The following PPFIA2 variants were observed in gnomAD, a reference collection of about 807,000 sequenced individuals.
The protein encoded by PPFIA2 is liprin-alpha-2.
Under a neutral mutation model 175.5 loss-of-function variants are expected in PPFIA2, and 46 were observed. The ratio of observed to expected loss-of-function variants is 0.26; its 90% CI spans 0.21 to 0.34. The LOEUF (loss-of-function observed/expected upper bound fraction) is 0.34. Among genes scored for constraint, PPFIA2 ranks in the 10% least tolerant of loss-of-function variants. The pLI, the probability that PPFIA2 is intolerant of heterozygous loss-of-function variation, is 1.00. For missense variants in PPFIA2, 1,179 were observed against 1,506.1 expected, an observed-to-expected ratio of 0.78 and a Z score of 3.60; for synonymous variants, 568 against 511.4, an observed-to-expected ratio of 1.11 and a Z score of -1.49.
chr12:81,731,222 C>T (rs889327871), intron 3 of PPFIA2, among the ~76,000 whole-genome samples: 4 of 151,764 alleles, frequency 2.6e-5, no homozygotes, highest in Non-Finnish European at 4.4e-5. Flanking sequence ...CCATTTTCTT[C>T]TTTTCTTGTC....
At chr12:81,687,467 G>A (rs1363867644) in intron 3 of PPFIA2, 1 of 151,906 alleles carries the variant, frequency 6.6e-6, no homozygotes, top group Non-Finnish European at 1.5e-5. Flanking sequence ...ATCTCCTCTG[G>A]GGAGGCTTTC....
chr12:81,397,549 T>C (rs2041356529), intron 8 of PPFIA2, among the ~76,000 whole-genome samples: 1 of 152,154 alleles, frequency 6.6e-6, no homozygotes, highest in Admixed American at 6.6e-5. Flanking sequence ...GTGATGACTG[T>C]AGCAGGAGTG....
chr12:81,678,294 G>A (rs2153572243), intron 3 of PPFIA2, among the ~76,000 whole-genome samples: 1 of 151,790 alleles, frequency 6.6e-6, no homozygotes, highest in East Asian at 2.0e-4. Flanking sequence ...TAATTAAGAG[G>A]ACTTATGCTA....
At chr12:81,473,183 G>A (rs2056997920) in intron 4 of PPFIA2, among the ~76,000 whole-genome samples, 2 of 152,116 alleles carry the variant, frequency 1.3e-5, no homozygotes, top group Non-Finnish European at 1.5e-5. Context: ...TGAGGTGCGT[G>A]GATCACCTGC....
intron 19 of PPFIA2, among the ~76,000 whole-genome samples, chr12:81,341,538 G>A (rs539628083): frequency 1.3e-3 from 195 of 152,138 alleles, no homozygotes; most frequent in African/African-American, 4.4e-3. Context: ...AGCCCAACAC[G>A]AATTCGTAAA....
rs527567922 is a variant in PPFIA2, at chr12:81,482,133, A to T, written c.304-24267T>A. Reference sequence around the variant, plus strand: ...ATTTATGCGGCCAACAAACATGAAAAAAAAAGCTCATCATCACTGTTCATT... The same window carrying T: ...ATTTATGCGGCCAACAAACATGAAATAAAAAGCTCATCATCACTGTTCATT... On this transcript the variant is annotated intron_variant, in intron 4 of 32. Coordinates refer to ENST00000549396, the MANE Select transcript of PPFIA2 (RefSeq NM_003625.5). Among the ~76,000 whole-genome samples, 29 of 152,356 alleles carry T rather than the reference A, an allele frequency of 1.9e-4. No homozygotes were observed. In the South Asian group the frequency reaches 5.6e-3, roughly 29 times the overall value.
At chr12:81,380,158 A>G (rs2037312729) in intron 9 of PPFIA2, among the ~76,000 whole-genome samples, 1 of 152,100 alleles carries the variant, frequency 6.6e-6, no homozygotes, top group Non-Finnish European at 1.5e-5. Context: ...TTGAACCAGG[A>G]ATTTGAGACC....
intron 3 of PPFIA2, among the ~76,000 whole-genome samples, chr12:81,678,122 C>G (rs1195392140): frequency 6.6e-6 from 1 of 151,710 alleles, no homozygotes; most frequent in African/African-American, 2.4e-5. Context: ...TTTCTTATGA[C>G]TCTGATCACC....
intron 4 of PPFIA2, chr12:81,535,372 C>A (rs963937880): frequency 8.8e-6 from 4 of 455,048 alleles, no homozygotes; most frequent in African/African-American, 8.0e-5. Context: ...GATCTATAGT[C>A]ACCAGCACTG....
intron 22 of PPFIA2, chr12:81,302,139 C>T: frequency 5.0e-6 from 2 of 397,234 alleles, no homozygotes; most frequent in African/African-American, 2.1e-5. Flanking sequence ...AAATTGTGTC[C>T]TATAATGTTT....
intron 3 of PPFIA2, among the ~76,000 whole-genome samples, chr12:81,738,458 G>A (rs553177571): frequency 2.0e-5 from 3 of 151,916 alleles, no homozygotes; most frequent in African/African-American, 7.2e-5. Context: ...GTATACATGT[G>A]AATAAATCTA....
intron 4 of PPFIA2, among the ~76,000 whole-genome samples, chr12:81,648,436 C>T (rs1361782587): frequency 3.3e-5 from 5 of 151,884 alleles, no homozygotes; most frequent in African/African-American, 7.2e-5. Context: ...TAAGTTGATA[C>T]ACTATCAACA....
intron 4 of PPFIA2, among the ~76,000 whole-genome samples, chr12:81,547,777 C>A (rs969145096): frequency 6.6e-6 from 1 of 152,142 alleles, no homozygotes; most frequent in Non-Finnish European, 1.5e-5. Context: ...AATGACTGTT[C>A]TCTAGAGCAA....
intron 6 of PPFIA2, among the ~76,000 whole-genome samples, chr12:81,444,071 G>A (rs1008759382): frequency 4.6e-5 from 7 of 151,246 alleles, no homozygotes; most frequent in Admixed American, 4.6e-4. Flanking sequence ...AGCCAGGATG[G>A]TCTCGATCTC....
intron 4 of PPFIA2, among the ~76,000 whole-genome samples, chr12:81,581,728 AAACG>A (rs60953927): frequency 0.87 from 132,000 of 150,980 alleles, 57,661 homozygotes; most frequent in East Asian, 1. Flanking sequence ...AAACAAAACA[AAACG>A]AACAAACAAA....
intron 4 of PPFIA2, among the ~76,000 whole-genome samples, chr12:81,572,328 C>T (rs2072707129): frequency 6.6e-6 from 1 of 151,948 alleles, no homozygotes; most frequent in Non-Finnish European, 1.5e-5. Flanking sequence ...GCAACTTCTC[C>T]CATATACTCA....
chr12:81,384,704 A>T (rs902473474), intron 8 of PPFIA2, among the ~76,000 whole-genome samples: 1 of 152,084 alleles, frequency 6.6e-6, no homozygotes, highest in African/African-American at 2.4e-5. Flanking sequence ...TTTTATTTTC[A>T]ATGATGCCCA....
chr12:81,548,934 C>T (rs1480574247), intron 4 of PPFIA2, among the ~76,000 whole-genome samples: 1 of 152,124 alleles, frequency 6.6e-6, no homozygotes, highest in Non-Finnish European at 1.5e-5. Flanking sequence ...TGGAACTATA[C>T]AACTAAATAT....
chr12:81,463,621 C>G (rs1321154782), intron 4 of PPFIA2, among the ~76,000 whole-genome samples: 1 of 152,030 alleles, frequency 6.6e-6, no homozygotes, highest in African/African-American at 2.4e-5. Flanking sequence ...TCAGGCACAT[C>G]ACAAACACAT....
Sources: gnomAD v4.1 joint callset for allele counts (sites outside exome capture counted in the v4.1 genomes callset) on GRCh38, gnomAD v4.1.1 for gene constraint, MANE v1.5 for transcripts, NCBI Gene and HGNC (gene_info 2026-07-23, HGNC 2026-07-21) for gene names.